Variants in SDCBP observed in about 807,000 individuals in gnomAD.
The protein encoded by SDCBP is syntenin-1.
In SDCBP, 22 loss-of-function variants were observed where a neutral mutation model predicts 30.5. The ratio of observed to expected loss-of-function variants is 0.72; its 90% CI spans 0.52 to 1.03. The LOEUF is 1.03. Ranked by LOEUF, SDCBP falls within the 50% of genes least tolerant of loss-of-function variation. SDCBP has a pLI of 0.00. For synonymous variants in SDCBP, 103 were observed against 118.7 expected (o/e 0.87, Z 0.86); for missense variants, 304 against 369.9 (o/e 0.82, Z 1.46).
chr8:58,571,221 G>A (rs1034777837), intron 3 of SDCBP, among the ~76,000 whole-genome samples: 10 of 152,202 alleles, frequency 6.6e-5, no homozygotes, highest in African/African-American at 1.9e-4. Flanking sequence ...AATCCCTAAC[G>A]TGGCTGATTC....
At chr8:58,574,086 G>A (rs1221565454) in intron 4 of SDCBP, among the ~76,000 whole-genome samples, 2 of 151,888 alleles carry the variant, frequency 1.3e-5, no homozygotes, top group African/African-American at 2.4e-5. Context: ...TTTAACTCAG[G>A]GGTGTACAAA....
At chr8:58,556,140 T>G (rs1014416736) in intron 1 of SDCBP, among the ~76,000 whole-genome samples, 2 of 152,220 alleles carry the variant, frequency 1.3e-5, no homozygotes, top group African/African-American at 4.8e-5. Context: ...TCCCAAGATG[T>G]TTTTAATACA....
chr8:58,568,610 G>A (rs1251830198), intron 2 of SDCBP, among the ~76,000 whole-genome samples: 1 of 152,122 alleles, frequency 6.6e-6, no homozygotes, highest in East Asian at 1.9e-4. Context: ...ATGACTGGCA[G>A]TGCAGTAAGC....
At position 58,572,408 on chromosome 8, in the gene SDCBP, A is replaced by G. The variant is rs373418707; in HGVS notation, c.240+94A>G. On this transcript the variant is annotated intron_variant, in intron 4 of 8. Coordinates refer to ENST00000260130, the MANE Select transcript of SDCBP (RefSeq NM_005625.4). ...TTTGTGGCTAACTCACAGATATACT[A>G]CTAGCATTGAACCTCACTTCTCAGA... 3.8e-5 allele frequency: 29 copies of G among 773,150 alleles called. No homozygotes were observed. The East Asian group carries it at 6.7e-4, about 18-fold the overall frequency. 47.9% of individuals were successfully genotyped at this position (773,150 alleles called of 1,614,324 possible).
chr8:58,575,575 G>C (rs1471506612), intron 4 of SDCBP, among the ~76,000 whole-genome samples: 7 of 152,166 alleles, frequency 4.6e-5, no homozygotes, highest in African/African-American at 1.7e-4. Context: ...TCTGGAAAAT[G>C]TTTCAAAAGT....
intron 1 of SDCBP, among the ~76,000 whole-genome samples, chr8:58,553,787 G>C (rs899615115): frequency 6.6e-6 from 1 of 152,256 alleles, no homozygotes; most frequent in African/African-American, 2.4e-5. Flanking sequence ...GGGTTATTCG[G>C]AAAGTCCTGG....
rs1176048204 is a variant in SDCBP, at chr8:58,581,872, T to C, written c.*132T>C. On this transcript the variant is annotated 3_prime_UTR_variant, in exon 9 of 9. Coordinates refer to ENST00000260130, the MANE Select transcript of SDCBP (RefSeq NM_005625.4). ...ATGAGGACCTTTCTATCTTACATTA[T>C]GGCTGGGAATCTTACTCTTTCATCT... The C allele has an allele frequency of 7.2e-6, 5 of 698,710 alleles. No individual in the cohort carries two copies. The highest frequency in any genetic ancestry group is 3.3e-5 in the South Asian group (2 of 60,370). The allele number at this position is 698,710 out of a possible 1,614,324, so 43.3% of individuals were successfully genotyped here. A position where few individuals can be genotyped will look rare whatever the true frequency, so the allele number is the denominator to read the frequency against.
At chr8:58,571,985 T>C (rs1300834297) in intron 3 of SDCBP, among the ~76,000 whole-genome samples, 1 of 152,228 alleles carries the variant, frequency 6.6e-6, no homozygotes, top group Non-Finnish European at 1.5e-5. Flanking sequence ...TTGTTTCAGT[T>C]CAGATGTCTT....
At chr8:58,562,551 T>C (rs1016006046) in intron 1 of SDCBP, among the ~76,000 whole-genome samples, 1 of 125,164 alleles carries the variant, frequency 8.0e-6, no homozygotes, top group African/African-American at 3.5e-5. Context: ...ACAGTTATGA[T>C]CACTTTTCAA....
intron 6 of SDCBP, 196 bp downstream of exon 6, chr8:58,578,404 C>T (rs985329117): frequency 5.4e-5 from 23 of 429,472 alleles, no homozygotes; most frequent in Non-Finnish European, 8.2e-6. Context: ...TACCTTATTT[C>T]AGAGTTTATA....
In SDCBP at chr8:58,553,264, G is replaced by A. The variant is rs1417626734; in HGVS notation, c.-55G>A. On this transcript the variant is annotated 5_prime_UTR_variant, in exon 1 of 9. Transcript: ENST00000260130. ...TCGGGCCTCAGAAGTCCGTGCCAGT[G>A]ACCGGAGGCGGCGGCGGCGAGCGGT... The A allele has an allele frequency of 6.5e-6, 1 of 153,900 alleles. No homozygotes were observed. The highest frequency in any genetic ancestry group is 2.4e-5 in the African/African-American group (1 of 41,472). 9.5% of individuals were successfully genotyped at this position (153,900 alleles called of 1,614,324 possible).
Position 58,580,503 on chromosome 8 carries a change from T to G in SDCBP, c.751-14T>G, listed in dbSNP as rs764772174. 3.0e-6 allele frequency: 4 copies of G among 1,341,890 alleles called. No individual in the cohort carries two copies. Among genetic ancestry groups the G allele is most frequent in the Non-Finnish European group, 4.3e-6 (4 of 935,968 alleles). 83.1% of individuals were successfully genotyped at this position (1,341,890 alleles called of 1,614,324 possible). On this transcript the variant is annotated splice_polypyrimidine_tract_variant and intron_variant, in intron 7 of 8. Transcript: ENST00000260130. ...GCCTCTGTGGAATTAATTTTTAATATGTGTTTTTATCAGGACTCTCAAATT... is the reference window on the plus strand; with the variant it reads ...GCCTCTGTGGAATTAATTTTTAATAGGTGTTTTTATCAGGACTCTCAAATT...
intron 1 of SDCBP, among the ~76,000 whole-genome samples, chr8:58,563,791 G>C (rs893440465): frequency 6.6e-6 from 1 of 152,196 alleles, no homozygotes; most frequent in African/African-American, 2.4e-5. Context: ...CTGAGATTCA[G>C]GTCTGGTTGA....
rs1805754769 is a variant in SDCBP at position 58,582,599 on chromosome 8, C to T, written c.*859C>T. On this transcript the variant is annotated 3_prime_UTR_variant, in exon 9 of 9. Coordinates refer to ENST00000260130, the MANE Select transcript of SDCBP (RefSeq NM_005625.4). ...GTGATGTAAAAGTTATTACACTAAACAGGATAAACTTTTGACTCCCCTTTT... is the reference window on the plus strand; with the variant it reads ...GTGATGTAAAAGTTATTACACTAAATAGGATAAACTTTTGACTCCCCTTTT... 6.6e-6 allele frequency: 1 copy of T among 152,562 alleles called. No individual in the cohort carries two copies. The highest frequency in any genetic ancestry group is 1.5e-5 in the Non-Finnish European group (1 of 68,030). The allele number at this position is 152,562 out of a possible 1,614,324, so 9.5% of individuals were successfully genotyped here.
intron 5 of SDCBP, 61 bp from the exon 6 acceptor site, chr8:58,577,972 C>A: frequency 7.8e-7 from 1 of 1,275,324 alleles, no homozygotes; most frequent in Non-Finnish European, 1.1e-6. Context: ...CCTAATTTTC[C>A]AGCGTTTAAA....
At position 58,581,893 on chromosome 8, in the gene SDCBP, C is replaced by A; in HGVS notation, c.*153C>A. ...ATTATGGCTGGGAATCTTACTCTTTCATCTGATACCTTGTTCAGATTTCAA... is the reference window on the plus strand; with the variant it reads ...ATTATGGCTGGGAATCTTACTCTTTAATCTGATACCTTGTTCAGATTTCAA... On this transcript the variant is annotated 3_prime_UTR_variant, in exon 9 of 9. Transcript: ENST00000260130. 1 of 631,602 alleles carries A rather than the reference C, an allele frequency of 1.6e-6. No individual in the cohort carries two copies. The highest frequency in any genetic ancestry group is 1.9e-5 in the South Asian group (1 of 53,440). 39.1% of individuals were successfully genotyped at this position (631,602 alleles called of 1,614,324 possible).
intron 2 of SDCBP, among the ~76,000 whole-genome samples, chr8:58,566,864 GTAGC>G (rs1349848769): frequency 6.6e-6 from 1 of 152,176 alleles, no homozygotes; most frequent in Non-Finnish European, 1.5e-5. Context: ...CTATTCTGCA[GTAGC>G]CACTAGGCTG....
At chr8:58,577,904 TTTTC>T in intron 5 of SDCBP, 125 bp from the exon 6 acceptor site, 4 of 711,536 alleles carry the variant, frequency 5.6e-6, no homozygotes, top group Non-Finnish European at 6.8e-6. Context: ...TTTTTCCTTT[TTTTC>T]TTTTTCTTTC....
At chr8:58,565,573 A>G (rs1370898388) in intron 2 of SDCBP, among the ~76,000 whole-genome samples, 1 of 152,132 alleles carries the variant, frequency 6.6e-6, no homozygotes, top group East Asian at 1.9e-4. Context: ...CCTTTGAGAG[A>G]TGAGCAGCAG....
Sources: gnomAD v4.1 joint callset for allele counts (sites outside exome capture counted in the v4.1 genomes callset) on GRCh38, gnomAD v4.1.1 for gene constraint, MANE v1.5 for transcripts, NCBI Gene and HGNC (gene_info 2026-07-23, HGNC 2026-07-21) for gene names.